SYT2: variants seen among roughly 807,000 people sequenced by gnomAD.
The protein encoded by SYT2 is synaptotagmin 2, also known as synaptotagmin-2.
Under a neutral mutation model 39.9 loss-of-function variants are expected in SYT2, and 15 were observed. The observed-to-expected ratio is 0.38, with a 90% CI of 0.25 to 0.58. The LOEUF (loss-of-function observed/expected upper bound fraction) is 0.58. SYT2 is among the 20% of genes least tolerant of loss of function. The pLI, the probability that SYT2 is intolerant of heterozygous loss-of-function variation, is 0.70. For synonymous variants in SYT2, 181 were observed against 204.5 expected, an observed-to-expected ratio of 0.89 and a Z score of 0.98; for missense variants, 389 against 530.3, an observed-to-expected ratio of 0.73 and a Z score of 2.62.
chr1:202,701,554 C>T (rs1039140759), intron 1 of SYT2, among the ~76,000 whole-genome samples: 2 of 152,172 alleles, frequency 1.3e-5, no homozygotes, highest in Non-Finnish European at 2.9e-5. Context: ...AATGGCATTT[C>T]ATTATTTACC....
rs1168938408 is a variant in SYT2 at position 202,614,415 on chromosome 1, G to A, written c.-17-8626C>T. ...CAGAAATGGTAAAGACCTGCACTAG[G>A]ATGGGAAGGTAAGGAATGGAGTAGA... On this transcript the variant is annotated intron_variant, in intron 1 of 8. Coordinates refer to ENST00000367268, the MANE Select transcript of SYT2 (RefSeq NM_177402.5). The surrounding 1 kb of genome is among the most constrained non-coding windows in gnomAD (Gnocchi z 4.0). 6.6e-6 allele frequency among the ~76,000 whole-genome samples: 1 copy of A among 152,220 alleles called. No individual in the cohort carries two copies. The highest frequency in any genetic ancestry group is 1.5e-5 in the Non-Finnish European group (1 of 68,042).
chr1:202,631,952 C>T (rs1196320157), intron 1 of SYT2: 22 of 861,356 alleles, frequency 2.6e-5, no homozygotes, highest in South Asian at 5.3e-5. Flanking sequence ...TGGCCTCATT[C>T]GCCAGGCCCT....
chr1:202,605,849 A>G (rs1204068716), intron 1 of SYT2, 60 bp from the exon 2 acceptor site: 1 of 1,326,064 alleles, frequency 7.5e-7, no homozygotes, highest in Non-Finnish European at 1.1e-6. Flanking sequence ...ACCCTGAGAA[A>G]GCCCTGCCCA....
chr1:202,629,647 T>C (rs11584227), intron 1 of SYT2, among the ~76,000 whole-genome samples: 26,087 of 152,094 alleles, frequency 0.17, 2,583 homozygotes, highest in Non-Finnish European at 0.23. Flanking sequence ...ACACCTGTAA[T>C]CCCGGCACTT....
chr1:202,647,399 GTCC>G (rs1692106354), intron 1 of SYT2, among the ~76,000 whole-genome samples: 1 of 152,180 alleles, frequency 6.6e-6, no homozygotes, highest in African/African-American at 2.4e-5. Flanking sequence ...CTGTTCAGGT[GTCC>G]TCCTTTCTCT....
chr1:202,702,269 CCTGCAG>C (rs1387902310), intron 1 of SYT2, among the ~76,000 whole-genome samples: 1 of 152,328 alleles, frequency 6.6e-6, no homozygotes, highest in African/African-American at 2.4e-5. Context: ...TTCCCTGCCT[CCTGCAG>C]CTGCAGCAGC....
At chr1:202,631,983 G>A (rs1691606464) in intron 1 of SYT2, 4 of 970,766 alleles carry the variant, frequency 4.1e-6, no homozygotes, top group Non-Finnish European at 4.9e-6. Context: ...CAGGCAGTTT[G>A]TCCTCAAGGA....
At chr1:202,675,623 C>T (rs1653346043) in intron 1 of SYT2, among the ~76,000 whole-genome samples, 1 of 152,116 alleles carries the variant, frequency 6.6e-6, no homozygotes, top group South Asian at 2.1e-4. Context: ...AGGTCCTGGA[C>T]ACCGAGCAGG....
At chr1:202,624,916 TG>T (rs2149085894) in intron 1 of SYT2, among the ~76,000 whole-genome samples, 1 of 148,996 alleles carries the variant, frequency 6.7e-6, no homozygotes, top group South Asian at 2.1e-4. Context: ...GTAGGGTGTG[TG>T]GTGTGTGTCT....
chr1:202,698,117 C>CCCG (rs1553344142), intron 1 of SYT2, among the ~76,000 whole-genome samples: 8 of 151,926 alleles, frequency 5.3e-5, no homozygotes, highest in Admixed American at 1.3e-4. Flanking sequence ...TCACCACCCC[C>CCCG]CCAAGGAAAG....
At chr1:202,645,000 G>C (rs551481792) in intron 1 of SYT2, among the ~76,000 whole-genome samples, 118 of 152,306 alleles carry the variant, frequency 7.7e-4, no homozygotes, top group African/African-American at 1.9e-3. Flanking sequence ...AGGGATTTCC[G>C]GGCGGCTCCT....
At chr1:202,699,115 T>C (rs898940126) in intron 1 of SYT2, among the ~76,000 whole-genome samples, 1 of 150,902 alleles carries the variant, frequency 6.6e-6, no homozygotes, top group Admixed American at 6.6e-5. Flanking sequence ...CTCAACTTCC[T>C]GGGCTCAAGA....
At chr1:202,624,344 G>A (rs1457764248) in intron 1 of SYT2, among the ~76,000 whole-genome samples, 4 of 147,254 alleles carry the variant, frequency 2.7e-5, no homozygotes, top group African/African-American at 1.1e-4. Flanking sequence ...CTAGTGGGGT[G>A]TCAGGGGGTA....
At chr1:202,670,188 C>T (rs1218980998) in intron 1 of SYT2, among the ~76,000 whole-genome samples, 3 of 152,148 alleles carry the variant, frequency 2.0e-5, no homozygotes, top group Non-Finnish European at 4.4e-5. Flanking sequence ...AGAATTTAGC[C>T]TCTCTGCAGT....
chr1:202,677,552 C>G (rs1219779306), intron 1 of SYT2, among the ~76,000 whole-genome samples: 1 of 152,234 alleles, frequency 6.6e-6, no homozygotes, highest in Admixed American at 6.5e-5. Context: ...CCAGCCCCAA[C>G]TCGCCATGTG....
chr1:202,650,025 G>A (rs997811192), intron 1 of SYT2, among the ~76,000 whole-genome samples: 3 of 152,196 alleles, frequency 2.0e-5, no homozygotes, highest in African/African-American at 2.4e-5. Flanking sequence ...CCCGGACATG[G>A]GGAGCGATTC....
At chr1:202,627,873 G>A (rs1691464183) in intron 1 of SYT2, among the ~76,000 whole-genome samples, 1 of 152,150 alleles carries the variant, frequency 6.6e-6, no homozygotes, top group East Asian at 1.9e-4. Flanking sequence ...TCAGGCCTTT[G>A]GGAGGTGCAG....
At chr1:202,660,336 A>G (rs1692353590) in intron 1 of SYT2, among the ~76,000 whole-genome samples, 1 of 152,210 alleles carries the variant, frequency 6.6e-6, no homozygotes, top group South Asian at 2.1e-4. Flanking sequence ...AGGAAAAGTA[A>G]TACTTCATAA....
rs965704921 is a variant in SYT2, at chr1:202,592,430, G to C, written c.*4327C>G. 5 of 152,444 alleles carry C rather than the reference G, an allele frequency of 3.3e-5. No individual in the cohort carries two copies. Among genetic ancestry groups the C allele is most frequent in the Non-Finnish European group, 5.9e-5 (4 of 68,040 alleles). 9.4% of individuals were successfully genotyped at this position (152,444 alleles called of 1,614,324 possible). Reference sequence around the variant, plus strand: ...GGGCTGGGGAACAAAGACTTTACACGACATAAAATCAAAGGAGCAGCCTCA... The same window carrying C: ...GGGCTGGGGAACAAAGACTTTACACCACATAAAATCAAAGGAGCAGCCTCA... On this transcript the variant is annotated 3_prime_UTR_variant, in exon 9 of 9. Coordinates refer to ENST00000367268, the MANE Select transcript of SYT2 (RefSeq NM_177402.5).
Sources: allele counts gnomAD v4.1 joint callset (sites outside exome capture counted in the v4.1 genomes callset), GRCh38; gene constraint gnomAD v4.1.1; non-coding constraint Gnocchi (gnomAD v3.1); transcripts MANE v1.5; gene names NCBI Gene and HGNC (gene_info 2026-07-23, HGNC 2026-07-21).